Variants in IFT56 observed in about 807,000 individuals in gnomAD.
IFT56 encodes the protein intraflagellar transport 56, also known as intraflagellar transport protein 56.
the IFT56 span, chr7:139,189,546 T>C: frequency 2.7e-6 from 2 of 744,434 alleles, no homozygotes; most frequent in East Asian, 5.4e-5. Context: ...TTTCCTTCCT[T>C]GCTCTTTAAG....
chr7:139,163,169 C>G, the IFT56 span, among the ~76,000 whole-genome samples: 2 of 151,568 alleles, frequency 1.3e-5, no homozygotes, highest in African/African-American at 2.4e-5. Context: ...ACGGTGAAAC[C>G]CCGTCTCTAC....
chr7:139,186,510 G>A, the IFT56 span, among the ~76,000 whole-genome samples: 3 of 151,990 alleles, frequency 2.0e-5, no homozygotes, highest in African/African-American at 7.3e-5. Context: ...CATGTTCTAT[G>A]AGGCCAAGGA....
chr7:139,147,215 T>C, the IFT56 span: 1 of 1,613,608 alleles, frequency 6.2e-7, no homozygotes, highest in Non-Finnish European at 8.5e-7. Context: ...CAACTCAGTT[T>C]GGCCTCAATC....
chr7:139,147,875 C>T, the IFT56 span, among the ~76,000 whole-genome samples: 2 of 152,138 alleles, frequency 1.3e-5, no homozygotes, highest in Non-Finnish European at 2.9e-5. Flanking sequence ...TACCTGCTTC[C>T]ATTTCCAGCC....
At chr7:139,160,301 A>G in the IFT56 span, among the ~76,000 whole-genome samples, 5 of 152,238 alleles carry the variant, frequency 3.3e-5, no homozygotes, top group African/African-American at 1.2e-4. Flanking sequence ...TTAAAGAATC[A>G]ACCTTAGTTG....
At chr7:139,166,478 C>A in the IFT56 span, among the ~76,000 whole-genome samples, 1 of 151,768 alleles carries the variant, frequency 6.6e-6, no homozygotes, top group Non-Finnish European at 1.5e-5. Flanking sequence ...TGTTTTAAAG[C>A]AAATCTCAGA....
chr7:139,181,499 G>C, the IFT56 span, among the ~76,000 whole-genome samples: 1 of 152,176 alleles, frequency 6.6e-6, no homozygotes, highest in Non-Finnish European at 1.5e-5. Flanking sequence ...ATTTGGTTCT[G>C]AAGCTCAAGA....
At chr7:139,190,125 A>C in the IFT56 span, 1 of 152,262 alleles carries the variant, frequency 6.6e-6, no homozygotes, top group Non-Finnish European at 1.5e-5. Context: ...AACAATGTTT[A>C]TGAATCTCAC....
chr7:139,161,147 C>T, the IFT56 span: 1 of 776,478 alleles, frequency 1.3e-6, no homozygotes, highest in African/African-American at 1.8e-5. Context: ...GGGAACCCCT[C>T]CTCACTGTGG....
chr7:139,140,990 G>A, the IFT56 span, among the ~76,000 whole-genome samples: 4 of 145,540 alleles, frequency 2.7e-5, no homozygotes, highest in Non-Finnish European at 5.9e-5. Flanking sequence ...GCCGGGTGCA[G>A]TGGCTCATGC....
chr7:139,186,298 C>T, the IFT56 span, among the ~76,000 whole-genome samples: 1 of 151,912 alleles, frequency 6.6e-6, no homozygotes, highest in African/African-American at 2.4e-5. Flanking sequence ...TGGTGGTGTA[C>T]ACCTGTAGTC....
chr7:139,145,015 G>A, the IFT56 span, among the ~76,000 whole-genome samples: 12 of 152,060 alleles, frequency 7.9e-5, no homozygotes, highest in East Asian at 1.9e-4. Flanking sequence ...GAGATAATTC[G>A]AGTCTCTGGA....
chr7:139,176,216 T>C, the IFT56 span, among the ~76,000 whole-genome samples: 1 of 152,126 alleles, frequency 6.6e-6, no homozygotes, highest in Non-Finnish European at 1.5e-5. Flanking sequence ...TTGGATTGTT[T>C]GTAACACAAA....
At chr7:139,145,458 C>CTT in the IFT56 span, among the ~76,000 whole-genome samples, 1 of 151,816 alleles carries the variant, frequency 6.6e-6, no homozygotes, top group African/African-American at 2.4e-5. Context: ...GATATCACTC[C>CTT]CCGTCACCCA....
the IFT56 span, among the ~76,000 whole-genome samples, chr7:139,140,359 C>T: frequency 6.6e-6 from 1 of 152,116 alleles, no homozygotes; most frequent in Non-Finnish European, 1.5e-5. Context: ...TTTCCTGTTT[C>T]TAAGTGAGAA....
the IFT56 span, among the ~76,000 whole-genome samples, chr7:139,180,684 G>C: frequency 6.6e-6 from 1 of 151,926 alleles, no homozygotes; most frequent in East Asian, 1.9e-4. Context: ...ACTCCAGCCT[G>C]GGTGACAGAG....
chr7:139,144,892 C>A, the IFT56 span, among the ~76,000 whole-genome samples: 1 of 152,074 alleles, frequency 6.6e-6, no homozygotes, highest in South Asian at 2.1e-4. Flanking sequence ...TCTAGTAATT[C>A]CAATAGTGTA....
the IFT56 span, among the ~76,000 whole-genome samples, chr7:139,155,933 A>C: frequency 1.3e-5 from 2 of 152,234 alleles, no homozygotes; most frequent in Non-Finnish European, 2.9e-5. Flanking sequence ...TAAATCATTA[A>C]TCCAATTTAT....
chr7:139,137,631 A>C, the IFT56 span, among the ~76,000 whole-genome samples: 1 of 152,272 alleles, frequency 6.6e-6, no homozygotes, highest in African/African-American at 2.4e-5. Context: ...ATATCAGTAA[A>C]TACAGAAAGC....
Sources: gnomAD v4.1 joint callset for allele counts (sites outside exome capture counted in the v4.1 genomes callset) on GRCh38, gnomAD v4.1.1 for gene constraint, MANE v1.5 for transcripts, NCBI Gene and HGNC (gene_info 2026-07-23, HGNC 2026-07-21) for gene names.